Variants in DNAH8 observed in about 807,000 individuals in gnomAD.
DNAH8 encodes the protein dynein axonemal heavy chain 8, also known as axonemal beta dynein heavy chain 8.
In DNAH8, 382 loss-of-function variants were observed where a neutral mutation model predicts 562.1. The ratio of observed to expected loss-of-function variants is 0.68; its 90% confidence interval spans 0.63 to 0.74. DNAH8 has a LOEUF of 0.74. Ranked by LOEUF, DNAH8 falls within the 30% of genes least tolerant of loss-of-function variation. The pLI is 0.00. For missense variants in DNAH8, 5,203 were observed against 5,620.4 expected, an observed-to-expected ratio of 0.93 and a Z score of 2.37; for synonymous variants, 1,881 against 1,919.4, an observed-to-expected ratio of 0.98 and a Z score of 0.52.
chr6:39,008,732 T>A, intron 88 of DNAH8, 82 bp from the exon 89 acceptor site: 1 of 739,156 alleles, frequency 1.4e-6, no homozygotes, highest in Non-Finnish European at 2.1e-6. Context: ...TTTAAGTGAT[T>A]CTATCAGTTC....
At chr6:38,915,952 TAC>T (rs755200866) in intron 68 of DNAH8, among the ~76,000 whole-genome samples, 29 of 152,220 alleles carry the variant, frequency 1.9e-4, no homozygotes, top group Non-Finnish European at 3.4e-4. Context: ...ACACTGCTAA[TAC>T]ACACACATAT....
intron 88 of DNAH8, among the ~76,000 whole-genome samples, chr6:39,007,833 G>T (rs1243607029): frequency 6.6e-6 from 1 of 150,498 alleles, no homozygotes; most frequent in Non-Finnish European, 1.5e-5. Flanking sequence ...CATCCTTCTG[G>T]TCTCAGCTTA....
chr6:38,771,189 TTCA>T (rs1767533192), intron 12 of DNAH8, among the ~76,000 whole-genome samples: 1 of 152,160 alleles, frequency 6.6e-6, no homozygotes, highest in African/African-American at 2.4e-5. Flanking sequence ...TAGAATCTTG[TTCA>T]TCATTTGTTG....
At chr6:38,829,358 A>ATTG (rs984068588) in intron 30 of DNAH8, among the ~76,000 whole-genome samples, 2 of 151,850 alleles carry the variant, frequency 1.3e-5, no homozygotes, top group African/African-American at 4.8e-5. Flanking sequence ...TTATCTTTTT[A>ATTG]TTGTTGTTGT....
In DNAH8 at chr6:38,864,349, GTTCT is replaced by G. The variant is rs1583215180; in HGVS notation, c.6498+290_6498+293del. 2.6e-5 allele frequency among the ~76,000 whole-genome samples: 4 copies of G among 152,192 alleles called. No individual in the cohort carries two copies. In the East Asian group the frequency reaches 5.8e-4, roughly 22 times the overall value. Reference sequence around the variant, plus strand: ...AATATGTGTAAGGTGCAGGCTAAATGTTCTATGTGCTATATCAGATGGCATAACT... The same window carrying G: ...AATATGTGTAAGGTGCAGGCTAAATGATGTGCTATATCAGATGGCATAACT... On this transcript the variant is annotated intron_variant, in intron 45 of 92. Coordinates refer to ENST00000327475, the MANE Select transcript of DNAH8 (RefSeq NM_001206927.2).
rs74680508 is a variant in DNAH8, at chr6:38,952,619, C to T, written c.12451+1099C>T. Among the ~76,000 whole-genome samples the T allele has an allele frequency of 7.4e-4, 112 of 152,162 alleles. No individual in the cohort carries two copies. The East Asian group carries it at 0.019, about 26-fold the overall frequency. On this transcript the variant is annotated intron_variant, in intron 82 of 92. Transcript: ENST00000327475. The stretch of plus-strand genomic sequence containing the variant: ...GATATAAAATCAATTCAGTCATGTC[C>T]ACGTACTAGCCACATGTCCCTCTGC...
At chr6:38,788,030 A>G (rs1016839014) in intron 18 of DNAH8, among the ~76,000 whole-genome samples, 3 of 152,218 alleles carry the variant, frequency 2.0e-5, no homozygotes, top group Non-Finnish European at 4.4e-5. Context: ...TATGAGTTAT[A>G]AGATAACTAT....
chr6:38,861,558 G>C (rs534848593), intron 43 of DNAH8, among the ~76,000 whole-genome samples: 1 of 152,268 alleles, frequency 6.6e-6, no homozygotes, highest in Non-Finnish European at 1.5e-5. Context: ...GTGCTTACCT[G>C]GTTTCTTTTT....
chr6:38,773,056 G>GT (rs1332167544), intron 12 of DNAH8, among the ~76,000 whole-genome samples: 1 of 140,208 alleles, frequency 7.1e-6, no homozygotes, highest in Non-Finnish European at 1.5e-5. Context: ...GCCTCAAGCA[G>GT]TCCTCCTTCC....
At chr6:38,806,114 G>C (rs1348592281) in intron 23 of DNAH8, among the ~76,000 whole-genome samples, 2 of 152,062 alleles carry the variant, frequency 1.3e-5, no homozygotes, top group East Asian at 3.9e-4. Flanking sequence ...AGGGGGACTG[G>C]GGTTTCTTTT....
chr6:38,763,218 G>C, intron 11 of DNAH8: 1 of 262,896 alleles, frequency 3.8e-6, no homozygotes, highest in South Asian at 4.3e-5. Flanking sequence ...TAAAAGTGAA[G>C]CAAGGGATAG....
Position 38,853,179 on chromosome 6 carries a change from G to A in DNAH8, c.5572-7G>A. On this transcript the variant is annotated splice_region_variant and splice_polypyrimidine_tract_variant and intron_variant, in intron 40 of 92. Coordinates refer to ENST00000327475, the MANE Select transcript of DNAH8 (RefSeq NM_001206927.2). ...CAATTTATAATATCCTTGTAATTTT[G>A]TTTTAGTTGGATAATTCTGTTATGG... The A allele has an allele frequency of 6.3e-7, 1 of 1,589,400 alleles. No homozygotes were observed. The highest frequency in any genetic ancestry group is 8.5e-7 in the Non-Finnish European group (1 of 1,171,454).
intron 79 of DNAH8, among the ~76,000 whole-genome samples, chr6:38,941,757 G>C (rs1055510139): frequency 6.6e-6 from 1 of 152,136 alleles, no homozygotes; most frequent in Non-Finnish European, 1.5e-5. Context: ...TGCTGAGCAG[G>C]GGGGTAGGGG....
At chr6:38,924,198 G>A (rs890560529) in intron 73 of DNAH8, 36 bp downstream of exon 73, 3 of 1,602,850 alleles carry the variant, frequency 1.9e-6, no homozygotes, top group Non-Finnish European at 2.6e-6. Flanking sequence ...TTGAATTTCA[G>A]TCTCATTTTA....
chr6:38,965,828 C>G (rs1305966733), intron 82 of DNAH8, among the ~76,000 whole-genome samples: 1 of 152,152 alleles, frequency 6.6e-6, no homozygotes, highest in Non-Finnish European at 1.5e-5. Context: ...GAATGTTTCT[C>G]ACTTTTTCAA....
intron 26 of DNAH8, among the ~76,000 whole-genome samples, chr6:38,817,072 G>C (rs564406918): frequency 2.5e-4 from 38 of 152,304 alleles, no homozygotes; most frequent in Admixed American, 2.5e-3. Flanking sequence ...GCCCAGTGTG[G>C]TGGCTCACGT....
chr6:38,944,487 G>C (rs1433020913), intron 79 of DNAH8, among the ~76,000 whole-genome samples: 4 of 152,192 alleles, frequency 2.6e-5, no homozygotes, highest in African/African-American at 9.7e-5. Context: ...TAAGGAAGAT[G>C]ATAAGATTTA....
chr6:38,761,940 C>G (rs1766560678), intron 11 of DNAH8, 137 bp downstream of exon 11: 2 of 482,288 alleles, frequency 4.1e-6, no homozygotes, highest in African/African-American at 4.1e-5. Flanking sequence ...GAATACAATT[C>G]TTATTATCTA....
intron 81 of DNAH8, among the ~76,000 whole-genome samples, chr6:38,950,286 G>T (rs1218998252): frequency 6.6e-6 from 1 of 151,776 alleles, no homozygotes; most frequent in Non-Finnish European, 1.5e-5. Flanking sequence ...CATGAAAAAT[G>T]AGAGGTAGAG....
Sources: allele counts gnomAD v4.1 joint callset (sites outside exome capture counted in the v4.1 genomes callset), GRCh38; gene constraint gnomAD v4.1.1; transcripts MANE v1.5; gene names NCBI Gene and HGNC (gene_info 2026-07-23, HGNC 2026-07-21).